Variants in MCTP1 observed in about 807,000 individuals in gnomAD.
MCTP1 encodes multiple C2 and transmembrane domain-containing protein 1.
MCTP1 carries 69 observed loss-of-function variants against 120.6 expected under a neutral mutation model. That is an observed-to-expected ratio of 0.57 (90% CI 0.47 to 0.70). The LOEUF is 0.70. Among genes scored for constraint, MCTP1 ranks in the 30% least tolerant of loss-of-function variants. The pLI is 0.00. For synonymous variants in MCTP1, 529 were observed against 493.1 expected (o/e 1.07, Z -0.96); for missense variants, 1,203 against 1,248.8 (o/e 0.96, Z 0.55).
chr5:95,136,988 T>C (rs1759498583), intron 1 of MCTP1, among the ~76,000 whole-genome samples: 1 of 152,214 alleles, frequency 6.6e-6, no homozygotes, highest in South Asian at 2.1e-4. Flanking sequence ...CACCCACTCA[T>C]CTAGACAGCC....
intron 17 of MCTP1, among the ~76,000 whole-genome samples, chr5:94,854,475 T>C (rs780817279): frequency 2.0e-5 from 3 of 151,898 alleles, no homozygotes; most frequent in Non-Finnish European, 4.4e-5. Context: ...AATGTGCTAA[T>C]TGACTAGGTT....
At chr5:95,018,565 T>G (rs1441253255) in intron 1 of MCTP1, among the ~76,000 whole-genome samples, 2 of 151,942 alleles carry the variant, frequency 1.3e-5, no homozygotes, top group Non-Finnish European at 2.9e-5. Context: ...CAATTATTAG[T>G]TAAAACAAGA....
chr5:94,922,385 A>G (rs188415232), intron 7 of MCTP1, among the ~76,000 whole-genome samples: 166 of 152,298 alleles, frequency 1.1e-3, no homozygotes, highest in African/African-American at 3.9e-3. Context: ...CTGGTGACAA[A>G]TCTTCATTCA....
At chr5:94,837,060 G>A (rs1195720744) in intron 17 of MCTP1, among the ~76,000 whole-genome samples, 2 of 152,148 alleles carry the variant, frequency 1.3e-5, no homozygotes, top group Non-Finnish European at 2.9e-5. Context: ...CTCAGGTAGG[G>A]CAAGTAGTAG....
intron 19 of MCTP1, among the ~76,000 whole-genome samples, chr5:94,751,878 T>C (rs1194733363): frequency 6.7e-6 from 1 of 148,764 alleles, no homozygotes; most frequent in Non-Finnish European, 1.5e-5. Flanking sequence ...AAACACCGCA[T>C]GTTCTCACTC....
intron 1 of MCTP1, among the ~76,000 whole-genome samples, chr5:95,099,714 G>A (rs900989008): frequency 6.6e-6 from 1 of 151,636 alleles, no homozygotes; most frequent in African/African-American, 2.4e-5. Flanking sequence ...AGTCAGTGCG[G>A]CGATTCCTCA....
intron 17 of MCTP1, among the ~76,000 whole-genome samples, chr5:94,828,431 C>A (rs577778772): frequency 6.6e-6 from 1 of 152,214 alleles, no homozygotes; most frequent in South Asian, 2.1e-4. Flanking sequence ...GCACGGGGGT[C>A]AAGGACCCAC....
At chr5:95,029,795 G>A (rs1215303368) in intron 1 of MCTP1, among the ~76,000 whole-genome samples, 1 of 152,194 alleles carries the variant, frequency 6.6e-6, no homozygotes, top group Non-Finnish European at 1.5e-5. Context: ...CTCCCCTCAG[G>A]TTTGAAATTA....
At chr5:95,007,370 C>T (rs989259709) in intron 2 of MCTP1, among the ~76,000 whole-genome samples, 3 of 152,066 alleles carry the variant, frequency 2.0e-5, no homozygotes, top group Non-Finnish European at 2.9e-5. Flanking sequence ...AATAGCAAAC[C>T]GTGAGCACAT....
intron 1 of MCTP1, among the ~76,000 whole-genome samples, chr5:95,281,117 A>G (rs1760278112): frequency 6.6e-6 from 1 of 152,250 alleles, no homozygotes; most frequent in Non-Finnish European, 1.5e-5. Flanking sequence ...GATGTATTAA[A>G]TACTTTTATT....
chr5:94,858,414 A>AAT (rs1795111420), intron 17 of MCTP1, among the ~76,000 whole-genome samples: 1 of 151,642 alleles, frequency 6.6e-6, no homozygotes, highest in African/African-American at 2.4e-5. Flanking sequence ...AAACTGCAGG[A>AAT]ATAACACTAA....
At chr5:94,747,513 T>C (rs769378962) in intron 19 of MCTP1, among the ~76,000 whole-genome samples, 9 of 152,142 alleles carry the variant, frequency 5.9e-5, no homozygotes, top group Non-Finnish European at 1.3e-4. Context: ...CACCCCTTCA[T>C]TGAAAGCATG....
rs562358944 is a variant in MCTP1 at position 94,924,758 on chromosome 5, G to C, written c.1213-737C>G. 9.2e-5 allele frequency among the ~76,000 whole-genome samples: 14 copies of C among 152,270 alleles called. No individual in the cohort carries two copies. In the South Asian group the frequency reaches 2.7e-3, roughly 29 times the overall value. ...GTTAAAGCTTTGCATTCTGTCTCTA[G>C]GTGTCAGTTATGATAAAGTTTCAGG... On this transcript the variant is annotated intron_variant, in intron 6 of 22. Coordinates refer to ENST00000515393, the MANE Select transcript of MCTP1 (RefSeq NM_024717.7).
intron 19 of MCTP1, among the ~76,000 whole-genome samples, chr5:94,715,187 AG>A (rs528401881): frequency 2.6e-4 from 40 of 151,950 alleles, no homozygotes; most frequent in Admixed American, 7.2e-4. Flanking sequence ...GAGAGAGGGG[AG>A]GTCCCAGAAT....
intron 1 of MCTP1, among the ~76,000 whole-genome samples, chr5:95,152,742 T>G (rs1384668778): frequency 1.3e-5 from 2 of 152,196 alleles, no homozygotes; most frequent in African/African-American, 4.8e-5. Context: ...GGAATAAATT[T>G]ATGTAACTAA....
At chr5:94,963,814 T>C (rs1824940654) in intron 2 of MCTP1, among the ~76,000 whole-genome samples, 1 of 152,202 alleles carries the variant, frequency 6.6e-6, no homozygotes, top group Non-Finnish European at 1.5e-5. Flanking sequence ...GCTTTTCAGT[T>C]TGATGTATTC....
intron 19 of MCTP1, among the ~76,000 whole-genome samples, chr5:94,723,134 C>T (rs1207024107): frequency 2.6e-5 from 4 of 152,140 alleles, no homozygotes; most frequent in African/African-American, 4.8e-5. Flanking sequence ...AATTCAGAGT[C>T]CCTTGGCTAC....
rs70978134 is a variant in MCTP1, at chr5:94,847,646, CTGTGTGTGTGTGTGTG to C, written c.2436+20671_2436+20686del. 4.8e-4 allele frequency among the ~76,000 whole-genome samples: 55 copies of C among 115,714 alleles called. 1 individual carries two copies. Among genetic ancestry groups the C allele is most frequent in the Non-Finnish European group, 7.8e-4 (45 of 57,392 alleles). 75.9% of individuals were successfully genotyped at this position (115,714 alleles called of 152,430 possible). On this transcript the variant is annotated intron_variant, in intron 17 of 22. Transcript: ENST00000515393. ...ACTGATCATATTAAGAAGCAGCAAT[CTGTGTGTGTGTGTGTG>C]TGTGTGTGTGTGTGTGTGTGTATAT...
chr5:95,018,712 GCCAT>G (rs773242731), intron 1 of MCTP1, among the ~76,000 whole-genome samples: 102 of 152,086 alleles, frequency 6.7e-4, no homozygotes, highest in Middle Eastern at 3.4e-3. Context: ...AAATCGCTGA[GCCAT>G]CTTTGACTTC....
Sources: gnomAD v4.1 joint callset for allele counts (sites outside exome capture counted in the v4.1 genomes callset) on GRCh38, gnomAD v4.1.1 for gene constraint, MANE v1.5 for transcripts, NCBI Gene and HGNC (gene_info 2026-07-23, HGNC 2026-07-21) for gene names.